ACSL3: variants seen among roughly 807,000 people sequenced by gnomAD.
The protein encoded by ACSL3 is acyl-CoA synthetase long chain family member 3.
ACSL3 carries 34 observed loss-of-function variants against 84.7 expected under a neutral mutation model. The observed-to-expected ratio is 0.40, with a 90% CI of 0.31 to 0.53. The LOEUF is 0.53. ACSL3 is among the 20% of genes least tolerant of loss of function. ACSL3 has a pLI of 0.48. For synonymous variants in ACSL3, 315 were observed against 299.4 expected (o/e 1.05, Z -0.54); for missense variants, 680 against 873.1 (o/e 0.78, Z 2.79).
chr2:222,944,513 GGTT>G lies in ACSL3; in HGVS notation c.*2864_*2866del, dbSNP rs1012158030. 1.3e-5 allele frequency: 2 copies of G among 151,978 alleles called. No homozygotes were observed. The highest frequency in any genetic ancestry group is 4.8e-5 in the African/African-American group (2 of 41,400). 9.4% of individuals were successfully genotyped at this position (151,978 alleles called of 1,614,324 possible). ...GTGAGTTCATTTCCGATGTGTTCTT[GGTT>G]GTTGCTGTTTTCTGCCTGAAGACGT... is the stretch of plus-strand genomic sequence containing the variant. On this transcript the variant is annotated 3_prime_UTR_variant, in exon 17 of 17. Transcript: ENST00000357430.
At chr2:222,892,800 G>T (rs187859130) in intron 2 of ACSL3, among the ~76,000 whole-genome samples, 43 of 152,266 alleles carry the variant, frequency 2.8e-4, no homozygotes, top group African/African-American at 1.0e-3. Flanking sequence ...TGCCTTTGGG[G>T]ACAATCTATT....
chr2:222,895,429 A>G (rs1292189006), intron 2 of ACSL3, among the ~76,000 whole-genome samples: 1 of 152,198 alleles, frequency 6.6e-6, no homozygotes, highest in Non-Finnish European at 1.5e-5. Context: ...GTTAAAAACA[A>G]AAGAACCTCT....
chr2:222,878,500 C>G (rs574070220), intron 1 of ACSL3, among the ~76,000 whole-genome samples: 1 of 152,308 alleles, frequency 6.6e-6, no homozygotes, highest in East Asian at 1.9e-4. Flanking sequence ...TTCTAGGGCA[C>G]TGTTTCCTGT....
At chr2:222,924,115 G>C (rs949254765) in intron 10 of ACSL3, among the ~76,000 whole-genome samples, 11 of 152,196 alleles carry the variant, frequency 7.2e-5, no homozygotes. Context: ...TATTTTGTGA[G>C]TAGGTTTTAG....
intron 1 of ACSL3, among the ~76,000 whole-genome samples, chr2:222,881,825 G>A (rs944381493): frequency 3.3e-5 from 5 of 152,154 alleles, no homozygotes; most frequent in African/African-American, 1.2e-4. Context: ...AAATACTTAA[G>A]AAAATGTATG....
Position 222,868,304 on chromosome 2 carries a change from G to C in ACSL3, c.-207+7046G>C, listed in dbSNP as rs374703295. On this transcript the variant is annotated intron_variant, in intron 1 of 16. Coordinates refer to ENST00000357430, the MANE Select transcript of ACSL3 (RefSeq NM_004457.5). The stretch of plus-strand genomic sequence containing the variant: ...TTTTAGCTGTGTGTCTTTGGGCAGC[G>C]TATTTAATTTCTATGTCTCAATTTC... Among the ~76,000 whole-genome samples, 586 of 152,228 alleles carry C rather than the reference G, an allele frequency of 3.8e-3. 2 individuals are homozygous for C. Among genetic ancestry groups the C allele is most frequent in the Middle Eastern group, 0.024 (7 of 294 alleles).
intron 1 of ACSL3, among the ~76,000 whole-genome samples, chr2:222,881,760 G>T (rs1266513867): frequency 6.6e-6 from 1 of 152,134 alleles, no homozygotes; most frequent in East Asian, 1.9e-4. Flanking sequence ...TGGTCCACCT[G>T]CCCAAAGTGC....
At chr2:222,898,648 C>G (rs1483265814) in intron 2 of ACSL3, among the ~76,000 whole-genome samples, 1 of 152,154 alleles carries the variant, frequency 6.6e-6, no homozygotes, top group Admixed American at 6.5e-5. Context: ...ACAGTGAAAC[C>G]CTGTCTCTAC....
At chr2:222,896,667 A>G (rs1482658629) in intron 2 of ACSL3, among the ~76,000 whole-genome samples, 1 of 6,456 alleles carries the variant, frequency 1.5e-4, no homozygotes, top group Non-Finnish European at 2.3e-4. Flanking sequence ...GGCGCCCCTC[A>G]CCTCCCGGAC....
chr2:222,930,586 TA>T, intron 13 of ACSL3, 34 bp from the exon 14 acceptor site: 2 of 1,497,474 alleles, frequency 1.3e-6, no homozygotes, highest in Non-Finnish European at 1.8e-6. Context: ...GTGTTGTATT[TA>T]ACTCAACTAT....
At chr2:222,863,594 A>T (rs563756710) in intron 1 of ACSL3, among the ~76,000 whole-genome samples, 1 of 152,184 alleles carries the variant, frequency 6.6e-6, no homozygotes, top group African/African-American at 2.4e-5. Context: ...TTGGGCTTGA[A>T]TATTGGATTT....
At chr2:222,901,684 C>T (rs1376256008) in intron 3 of ACSL3, among the ~76,000 whole-genome samples, 7 of 152,096 alleles carry the variant, frequency 4.6e-5, no homozygotes, top group African/African-American at 9.7e-5. Context: ...TGGTGGCCCA[C>T]GCCTGTAATC....
intron 15 of ACSL3, among the ~76,000 whole-genome samples, chr2:222,934,025 A>T (rs1697105617): frequency 6.6e-6 from 1 of 152,238 alleles, no homozygotes; most frequent in African/African-American, 2.4e-5. Flanking sequence ...TGGCCTTCAA[A>T]AAAGTATTTG....
chr2:222,898,359 A>G (rs1002953484), intron 2 of ACSL3, among the ~76,000 whole-genome samples: 4 of 152,242 alleles, frequency 2.6e-5, no homozygotes, highest in Admixed American at 2.6e-4. Context: ...TGGGTAGTGA[A>G]GGTCTTACCA....
At chr2:222,906,186 A>G (rs545940469) in intron 3 of ACSL3, among the ~76,000 whole-genome samples, 12 of 152,210 alleles carry the variant, frequency 7.9e-5, no homozygotes, top group African/African-American at 2.9e-4. Context: ...TATTACACTG[A>G]GGTTTGTTTA....
intron 1 of ACSL3, among the ~76,000 whole-genome samples, chr2:222,883,486 C>G (rs1416784484): frequency 6.6e-6 from 1 of 152,014 alleles, no homozygotes; most frequent in Non-Finnish European, 1.5e-5. Context: ...CCCAGCCAGC[C>G]TTTTGTTTTT....
At chr2:222,882,466 C>T (rs957118494) in intron 1 of ACSL3, among the ~76,000 whole-genome samples, 7 of 151,784 alleles carry the variant, frequency 4.6e-5, no homozygotes, top group Admixed American at 1.3e-4. Context: ...GGACAGGGGT[C>T]GAGGAGGCAG....
chr2:222,864,743 G>T (rs577172576), intron 1 of ACSL3, among the ~76,000 whole-genome samples: 20 of 152,124 alleles, frequency 1.3e-4, no homozygotes, highest in Non-Finnish European at 2.8e-4. Context: ...GTTGAATATA[G>T]ACTAGAAAAG....
intron 6 of ACSL3, 112 bp from the exon 7 acceptor site, chr2:222,918,952 T>C: frequency 7.5e-7 from 1 of 1,332,294 alleles, no homozygotes; most frequent in Middle Eastern, 1.9e-4. Flanking sequence ...TTCTTCTTTC[T>C]TTTTTGAGGC....
Sources: gnomAD v4.1 joint callset for allele counts (sites outside exome capture counted in the v4.1 genomes callset) on GRCh38, gnomAD v4.1.1 for gene constraint, MANE v1.5 for transcripts, NCBI Gene and HGNC (gene_info 2026-07-23, HGNC 2026-07-21) for gene names.